MDGA2: variants seen among roughly 807,000 people sequenced by gnomAD.
MDGA2 encodes the protein MAM domain-containing glycosylphosphatidylinositol anchor protein 2.
In MDGA2, 40 loss-of-function variants were observed where a neutral mutation model predicts 117.8. That is an observed-to-expected ratio of 0.34 (90% CI 0.26 to 0.44). MDGA2 has a LOEUF of 0.44. MDGA2 is among the 20% of genes least tolerant of loss of function. The pLI is 1.00. For synonymous variants in MDGA2, 452 were observed against 439.0 expected (o/e 1.03, Z -0.37); for missense variants, 1,123 against 1,250.6 (o/e 0.90, Z 1.54).
At chr14:47,001,423 GA>G (rs368046548) in intron 8 of MDGA2, among the ~76,000 whole-genome samples, 33 of 151,852 alleles carry the variant, frequency 2.2e-4, no homozygotes, top group African/African-American at 8.0e-4. Flanking sequence ...ACAATTCGAG[GA>G]CCAAAACAAC....
rs905238953 is a variant in MDGA2 at position 47,045,893 on chromosome 14, A to G, written c.1526-10589T>C. On this transcript the variant is annotated intron_variant, in intron 7 of 16. Coordinates refer to ENST00000399232, the MANE Select transcript of MDGA2 (RefSeq NM_001113498.3). ...GGCAGGAGAATCATTTGAACCTGGG[A>G]GGCAGATGTTGCAATGAGCCGAGAT... Among the ~76,000 whole-genome samples the G allele has an allele frequency of 5.3e-5, 8 of 151,226 alleles. No homozygotes were observed. In the South Asian group the frequency reaches 1.1e-3, roughly 20 times the overall value.
chr14:47,660,556 A>G (rs765864634), intron 1 of MDGA2, among the ~76,000 whole-genome samples: 25 of 152,200 alleles, frequency 1.6e-4, no homozygotes, highest in Non-Finnish European at 3.1e-4. Context: ...GTCCTCTTGA[A>G]CACAACAAGA....
chr14:47,563,249 G>C (rs1453969466), intron 1 of MDGA2, among the ~76,000 whole-genome samples: 1 of 152,006 alleles, frequency 6.6e-6, no homozygotes, highest in African/African-American at 2.4e-5. Flanking sequence ...ATGTCTATTA[G>C]GTCAATTTTG....
chr14:47,232,004 T>C (rs975087583), intron 2 of MDGA2, among the ~76,000 whole-genome samples: 7 of 152,098 alleles, frequency 4.6e-5, no homozygotes, highest in African/African-American at 1.7e-4. Flanking sequence ...GATTGCCCCA[T>C]ATGACCACAG....
chr14:47,039,913 T>TCACA (rs150173178), intron 7 of MDGA2, among the ~76,000 whole-genome samples: 67 of 151,274 alleles, frequency 4.4e-4, no homozygotes, highest in South Asian at 2.7e-3. Context: ...TGGCTCTCTC[T>TCACA]CACACACACA....
chr14:47,210,658 A>G (rs1463077075), intron 3 of MDGA2, among the ~76,000 whole-genome samples: 7 of 152,180 alleles, frequency 4.6e-5, no homozygotes, highest in Admixed American at 2.0e-4. Flanking sequence ...ATTGCTTCTT[A>G]GGACAAATGA....
At chr14:47,266,580 A>C (rs1326835784) in intron 2 of MDGA2, among the ~76,000 whole-genome samples, 1 of 152,170 alleles carries the variant, frequency 6.6e-6, no homozygotes, top group East Asian at 1.9e-4. Context: ...AATATTTCAG[A>C]GAGGACTCAA....
At chr14:47,254,002 G>A (rs1052764064) in intron 2 of MDGA2, among the ~76,000 whole-genome samples, 8 of 152,196 alleles carry the variant, frequency 5.3e-5, no homozygotes, top group African/African-American at 1.2e-4. Flanking sequence ...TTGTACATTC[G>A]CCTCTTTTAG....
At chr14:46,940,347 G>A (rs1447554201) in intron 9 of MDGA2, among the ~76,000 whole-genome samples, 2 of 151,996 alleles carry the variant, frequency 1.3e-5, no homozygotes, top group Non-Finnish European at 1.5e-5. Context: ...TAATAGTTCC[G>A]GCCAGGCGCG....
chr14:47,506,917 G>A (rs2138683670), intron 1 of MDGA2, among the ~76,000 whole-genome samples: 1 of 151,998 alleles, frequency 6.6e-6, no homozygotes, highest in African/African-American at 2.4e-5. Flanking sequence ...CTGGATGCCA[G>A]CGTGAGTTTA....
At chr14:47,215,100 T>C (rs763070480) in intron 3 of MDGA2, among the ~76,000 whole-genome samples, 2 of 152,106 alleles carry the variant, frequency 1.3e-5, no homozygotes, top group Non-Finnish European at 2.9e-5. Context: ...TTGATGAAAG[T>C]TCCACATGTG....
chr14:46,878,512 AT>A (rs766917606), intron 11 of MDGA2, among the ~76,000 whole-genome samples: 13 of 152,076 alleles, frequency 8.5e-5, no homozygotes, highest in Admixed American at 2.6e-4. Flanking sequence ...GGGCAAAAAT[AT>A]TCATATATAA....
chr14:47,419,130 G>C (rs572035021), intron 1 of MDGA2, among the ~76,000 whole-genome samples: 89 of 152,248 alleles, frequency 5.8e-4, no homozygotes, highest in African/African-American at 2.0e-3. Context: ...GGTTGAACTA[G>C]ATTTTAAGTT....
chr14:47,131,613 C>G, intron 5 of MDGA2, 101 bp downstream of exon 5: 1 of 932,576 alleles, frequency 1.1e-6, no homozygotes, highest in Non-Finnish European at 1.5e-6. Context: ...CTTATTCCTA[C>G]ATACACCGTA....
At chr14:46,961,878 G>C (rs557604638) in intron 8 of MDGA2, among the ~76,000 whole-genome samples, 5 of 152,034 alleles carry the variant, frequency 3.3e-5, no homozygotes, top group Non-Finnish European at 7.4e-5. Context: ...TCCTGACCTC[G>C]TGATCCACCT....
chr14:47,485,516 C>A (rs938882628), intron 1 of MDGA2, among the ~76,000 whole-genome samples: 2 of 152,152 alleles, frequency 1.3e-5, no homozygotes, highest in Admixed American at 1.3e-4. Flanking sequence ...TTCGAACCAG[C>A]TGCAGAAATT....
At position 47,632,751 on chromosome 14, in the gene MDGA2, C is replaced by CT. The variant is rs34064088; in HGVS notation, c.280+41765dup. ...AGACTTGGCATAGTTTCTTTTCTTTCTTTTTTTTTGAGGGGGGGGCTCTTC... is the reference window on the plus strand; with the variant it reads ...AGACTTGGCATAGTTTCTTTTCTTTCTTTTTTTTTTGAGGGGGGGGCTCTTC... On this transcript the variant is annotated intron_variant, in intron 1 of 16. Transcript: ENST00000399232. Among the ~76,000 whole-genome samples, 328 of 150,970 alleles carry CT rather than the reference C, an allele frequency of 2.2e-3. 5 individuals are homozygous for CT. The highest frequency in any genetic ancestry group is 7.3e-3 in the African/African-American group (301 of 41,168).
intron 8 of MDGA2, among the ~76,000 whole-genome samples, chr14:46,986,213 T>C (rs1253360775): frequency 2.0e-5 from 3 of 152,054 alleles, no homozygotes; most frequent in Non-Finnish European, 4.4e-5. Flanking sequence ...AATATATCAA[T>C]TGTTCTCAAT....
chr14:47,068,234 A>G (rs1890153031), intron 6 of MDGA2, among the ~76,000 whole-genome samples: 1 of 152,066 alleles, frequency 6.6e-6, no homozygotes, highest in Non-Finnish European at 1.5e-5. Context: ...GAACATCAGC[A>G]GGTAAGCATT....
Sources: allele counts gnomAD v4.1 joint callset (sites outside exome capture counted in the v4.1 genomes callset), GRCh38; gene constraint gnomAD v4.1.1; transcripts MANE v1.5; gene names NCBI Gene and HGNC (gene_info 2026-07-23, HGNC 2026-07-21).